CTH: variants seen among roughly 807,000 people sequenced by gnomAD.
CTH encodes cystathionine gamma-lyase.
In CTH, 41 loss-of-function variants were observed where a neutral mutation model predicts 50.6. The observed-to-expected ratio is 0.81, with a 90% CI of 0.63 to 1.05. The LOEUF is 1.05. Among genes scored for constraint, CTH ranks in the 50% least tolerant of loss-of-function variants. The pLI is 0.00. For missense variants in CTH, 470 were observed against 492.6 expected (o/e 0.95, Z 0.43); for synonymous variants, 156 against 168.9 (o/e 0.92, Z 0.59).
chr1:70,416,764 C>T lies in CTH; in HGVS notation c.250+727C>T, dbSNP rs191447179. On this transcript the variant is annotated intron_variant, in intron 2 of 11. Coordinates refer to ENST00000370938, the MANE Select transcript of CTH (RefSeq NM_001902.6). Reference sequence around the variant, plus strand: ...ATTTTTAGTAGAGATGGGGTTTCACCATGTTGGCCAGGCTGGTCTCGATCT... The same window carrying T: ...ATTTTTAGTAGAGATGGGGTTTCACTATGTTGGCCAGGCTGGTCTCGATCT... Among the ~76,000 whole-genome samples the T allele has an allele frequency of 3.8e-3, 575 of 151,526 alleles. 5 individuals are homozygous for T. The highest frequency in any genetic ancestry group is 0.013 in the African/African-American group (555 of 41,310).
At chr1:70,418,964 T>C in intron 3 of CTH, among the ~76,000 whole-genome samples, 1 of 116,668 alleles carries the variant, frequency 8.6e-6, no homozygotes, top group Non-Finnish European at 1.8e-5. Context: ...CCTAATGCTA[T>C]CCCTCCCCCC....
intron 4 of CTH, 99 bp downstream of exon 4, chr1:70,421,774 T>C (rs1022931514): frequency 1.6e-6 from 2 of 1,228,186 alleles, no homozygotes. Flanking sequence ...GAATAACAAA[T>C]TTTATTTTAT....
chr1:70,428,398 A>G (rs2101747937), intron 5 of CTH, among the ~76,000 whole-genome samples: 1 of 152,304 alleles, frequency 6.6e-6, no homozygotes, highest in Middle Eastern at 3.4e-3. Flanking sequence ...AAATGTTTCT[A>G]CTACAAAGAA....
chr1:70,425,271 C>T (rs1691651848), intron 5 of CTH, among the ~76,000 whole-genome samples: 1 of 152,018 alleles, frequency 6.6e-6, no homozygotes, highest in Non-Finnish European at 1.5e-5. Context: ...ATTTATAGTG[C>T]TCTTATGTTA....
In CTH at chr1:70,411,491, G is replaced by A. The variant is rs1683962339; in HGVS notation, c.76G>A (p.Gly26Ser). The change falls in exon 1 of 12, where the codon GGC (glycine) becomes AGC (serine). Residue 26 changes from glycine (G) to serine (S), a missense_variant. Coordinates refer to ENST00000370938, the MANE Select transcript of CTH (RefSeq NM_001902.6). ...TTTCGCCACGCAGGCGATCCATGTGGGCCAGGATCCAGAGCAATGGACCTC... is the reference window on the plus strand; with the variant it reads ...TTTCGCCACGCAGGCGATCCATGTGAGCCAGGATCCAGAGCAATGGACCTC... ...QHFATQAIHV[G>S]QDPEQWTSRA... The A allele has an allele frequency of 1.9e-6, 3 of 1,614,114 alleles. No individual in the cohort carries two copies. The highest frequency in any genetic ancestry group is 2.2e-5 in the East Asian group (1 of 44,870).
Position 70,438,813 on chromosome 1 carries a change from C to T in CTH, c.1178C>T (p.Ala393Val). 2.5e-6 allele frequency: 4 copies of T among 1,611,956 alleles called. No individual in the cohort carries two copies. The highest frequency in any genetic ancestry group is 3.4e-6 in the Non-Finnish European group (4 of 1,179,704). Residue 393 changes from alanine to valine, a missense_variant, in exon 11 of 12, where the codon GCT becomes GTT. Coordinates refer to ENST00000370938, the MANE Select transcript of CTH (RefSeq NM_001902.6). The part of the protein sequence containing the change: ...EEDLLEDLDQ[A>V]LKAAHPPSGS... ...GACCTACTGGAAGATCTAGATCAAG[C>T]TTTGAAGGCAGCAGTAAGTCTTATT...
In CTH at chr1:70,438,132, GA is replaced by G. The variant is rs1684636328; in HGVS notation, c.1053-551del. 3.3e-5 allele frequency among the ~76,000 whole-genome samples: 5 copies of G among 152,238 alleles called. No individual in the cohort carries two copies. In the South Asian group the frequency reaches 6.2e-4, roughly 19 times the overall value. ...ATGGTAATGGGCTGCTAGATCGTTTGAAAAATCCTTCCAGGCCTCTATGCCA... is the reference window on the plus strand; with the variant it reads ...ATGGTAATGGGCTGCTAGATCGTTTGAAAATCCTTCCAGGCCTCTATGCCA... On this transcript the variant is annotated intron_variant, in intron 10 of 11. Transcript: ENST00000370938.
At chr1:70,429,311 T>C (rs1245344363) in intron 5 of CTH, among the ~76,000 whole-genome samples, 3 of 152,156 alleles carry the variant, frequency 2.0e-5, no homozygotes, top group Admixed American at 6.5e-5. Context: ...ATCAAGATCA[T>C]GACAAACCCC....
chr1:70,436,041 G>A (rs771705429), intron 10 of CTH, among the ~76,000 whole-genome samples: 5 of 152,114 alleles, frequency 3.3e-5, no homozygotes, highest in African/African-American at 4.8e-5. Flanking sequence ...TCGGCCTGGT[G>A]CAATGGCTGA....
intron 3 of CTH, among the ~76,000 whole-genome samples, chr1:70,419,286 A>G (rs1298924473): frequency 6.6e-6 from 1 of 152,044 alleles, no homozygotes; most frequent in Non-Finnish European, 1.5e-5. Flanking sequence ...ATAAACATAC[A>G]TGTGCATGTG....
At chr1:70,427,492 T>C (rs1684369005) in intron 5 of CTH, among the ~76,000 whole-genome samples, 1 of 152,140 alleles carries the variant, frequency 6.6e-6, no homozygotes, top group Non-Finnish European at 1.5e-5. Context: ...TATTTTTCCT[T>C]CTCTTTTGGC....
chr1:70,431,222 G>A (rs1397910977), intron 7 of CTH: 1 of 152,042 alleles, frequency 6.6e-6, no homozygotes, highest in Non-Finnish European at 1.5e-5. Context: ...AAGGCTTTAT[G>A]ATATGATATA....
intron 8 of CTH, among the ~76,000 whole-genome samples, chr1:70,432,448 G>T (rs1684498179): frequency 6.6e-6 from 1 of 152,174 alleles, no homozygotes; most frequent in African/African-American, 2.4e-5. Context: ...TAGTTTAGTG[G>T]ATGCTTGGAT....
intron 4 of CTH, 93 bp downstream of exon 4, chr1:70,421,768 A>G: frequency 7.7e-7 from 1 of 1,296,694 alleles, no homozygotes; most frequent in East Asian, 2.4e-5. Context: ...TAATGTGAAT[A>G]ACAAATTTTA....
At chr1:70,417,823 C>G (rs1393172856) in intron 2 of CTH, 114 bp from the exon 3 acceptor site, 1 of 1,090,782 alleles carries the variant, frequency 9.2e-7, no homozygotes, top group Admixed American at 1.9e-5. Context: ...CCTCTAGCAA[C>G]TCAGCAGTGA....
chr1:70,432,265 A>G (rs771189326), intron 8 of CTH, 30 bp downstream of exon 8: 4 of 1,612,648 alleles, frequency 2.5e-6, no homozygotes, highest in Non-Finnish European at 3.4e-6. Flanking sequence ...AAGCAGATCT[A>G]CTAGGATTTC....
chr1:70,427,925 C>T (rs1391683775), intron 5 of CTH, among the ~76,000 whole-genome samples: 1 of 152,202 alleles, frequency 6.6e-6, no homozygotes. Flanking sequence ...GTTGGCCAGG[C>T]TGGTCTCAAA....
At position 70,433,908 on chromosome 1, in the gene CTH, G is replaced by A. The variant is rs1219305905; in HGVS notation, c.958G>A (p.Gly320Ser). The A allele has an allele frequency of 6.2e-7, 1 of 1,614,006 alleles. No individual in the cohort carries two copies. The highest frequency in any genetic ancestry group is 2.2e-5 in the East Asian group (1 of 44,882). Residue 320 changes from glycine (G) to serine (S), a missense_variant, in exon 9 of 12, where the codon GGC (glycine) becomes AGC (serine). Coordinates refer to ENST00000370938, the MANE Select transcript of CTH (RefSeq NM_001902.6). ...AGGGATGGTCACCTTTTATATTAAG[G>A]GCACTCTTCAGCATGCTGAGATTTT... The part of the protein sequence containing the change: ...CTGMVTFYIK[G>S]TLQHAEIFLK...
chr1:70,429,726 A>G, intron 5 of CTH, 68 bp from the exon 6 acceptor site: 1 of 1,089,412 alleles, frequency 9.2e-7, no homozygotes, highest in Non-Finnish European at 1.4e-6. Context: ...TTATAATTGC[A>G]AATAGGCAGG....
Sources: allele counts gnomAD v4.1 joint callset (sites outside exome capture counted in the v4.1 genomes callset), GRCh38; gene constraint gnomAD v4.1.1; transcripts MANE v1.5; gene names NCBI Gene and HGNC (gene_info 2026-07-23, HGNC 2026-07-21).